The following PDE1C variants were observed in gnomAD, a reference collection of about 807,000 sequenced individuals.
The protein encoded by PDE1C is dual specificity calcium/calmodulin-dependent 3',5'-cyclic nucleotide phosphodiesterase 1C.
Under a neutral mutation model 93.1 loss-of-function variants are expected in PDE1C, and 62 were observed. The observed-to-expected ratio is 0.67, with a 90% CI of 0.54 to 0.82. The LOEUF is 0.82. Among genes scored for constraint, PDE1C ranks in the 40% least tolerant of loss-of-function variants. The pLI, the probability that PDE1C is intolerant of heterozygous loss-of-function variation, is 0.00. For missense variants in PDE1C, 742 were observed against 884.6 expected, an observed-to-expected ratio of 0.84 and a Z score of 2.04; for synonymous variants, 325 against 310.1, an observed-to-expected ratio of 1.05 and a Z score of -0.50.
intron 1 of PDE1C, among the ~76,000 whole-genome samples, chr7:32,335,508 A>G (rs1030360905): frequency 1.3e-5 from 2 of 152,172 alleles, no homozygotes; most frequent in Non-Finnish European, 1.5e-5. Flanking sequence ...GAAGTTCAAG[A>G]TGATCAAAGT....
intron 1 of PDE1C, among the ~76,000 whole-genome samples, chr7:32,335,042 AT>A (rs1314833080): frequency 5.3e-5 from 8 of 152,186 alleles, no homozygotes; most frequent in African/African-American, 1.9e-4. Flanking sequence ...GGCCACTTTC[AT>A]TTTGCCCATG....
At chr7:31,755,878 G>T (rs939747353) in intron 17 of PDE1C, among the ~76,000 whole-genome samples, 1 of 152,132 alleles carries the variant, frequency 6.6e-6, no homozygotes, top group East Asian at 1.9e-4. Flanking sequence ...ACTAAAATAT[G>T]AGACAGGCTT....
At chr7:31,999,709 C>T (rs1466864932) in intron 2 of PDE1C, among the ~76,000 whole-genome samples, 1 of 152,128 alleles carries the variant, frequency 6.6e-6, no homozygotes, top group African/African-American at 2.4e-5. Flanking sequence ...ATTAACACAC[C>T]ACATGTTTTT....
chr7:32,253,567 C>A (rs1809550220), intron 1 of PDE1C, among the ~76,000 whole-genome samples: 2 of 152,216 alleles, frequency 1.3e-5, no homozygotes, highest in South Asian at 4.1e-4. Flanking sequence ...CCAAAGGGTC[C>A]TGATTACTTT....
At chr7:31,948,979 A>G (rs916911986) in intron 2 of PDE1C, among the ~76,000 whole-genome samples, 2 of 152,142 alleles carry the variant, frequency 1.3e-5, no homozygotes, top group Non-Finnish European at 2.9e-5. Flanking sequence ...AGCATATTAG[A>G]AATGGCAAAC....
At chr7:32,103,228 G>A (rs1035089388) in intron 3 of PDE1C, among the ~76,000 whole-genome samples, 1 of 152,116 alleles carries the variant, frequency 6.6e-6, no homozygotes, top group Non-Finnish European at 1.5e-5. Context: ...GAAAAGGGAG[G>A]GGAGAAGGTA....
At chr7:31,771,202 T>G (rs1381253710) in intron 17 of PDE1C, among the ~76,000 whole-genome samples, 1 of 152,212 alleles carries the variant, frequency 6.6e-6, no homozygotes, top group Non-Finnish European at 1.5e-5. Flanking sequence ...ATTTCTGTGG[T>G]ACACTCTGCT....
chr7:32,399,693 A>T (rs1462207738), intron 1 of PDE1C, among the ~76,000 whole-genome samples: 1 of 148,528 alleles, frequency 6.7e-6, no homozygotes, highest in African/African-American at 2.5e-5. Context: ...AATGATTCTC[A>T]TGCCTCAGCC....
chr7:32,083,297 C>G (rs9691801), intron 3 of PDE1C, among the ~76,000 whole-genome samples: 112,130 of 148,270 alleles, frequency 0.76, 42,873 homozygotes, highest in African/African-American at 0.85. Context: ...GGGAAGTTTA[C>G]AGAAAAAAGA....
At chr7:32,428,133 T>C (rs1324520684), upstream of PDE1C, 1 of 152,344 alleles carries the variant, frequency 6.6e-6, no homozygotes, top group African/African-American at 2.4e-5. Context: ...CGAGCCCATC[T>C]CAGCGGGCCG....
chr7:32,302,256 T>G (rs925513149), upstream of PDE1C, among the ~76,000 whole-genome samples: 2 of 152,234 alleles, frequency 1.3e-5, no homozygotes, highest in African/African-American at 4.8e-5. Context: ...GGAAAGAAAT[T>G]TATCTTTTTT....
chr7:31,783,128 T>C lies in PDE1C; in HGVS notation c.1892-7396A>G, dbSNP rs1353926188. Among the ~76,000 whole-genome samples, 4 of 152,078 alleles carry C rather than the reference T, an allele frequency of 2.6e-5. No individual in the cohort carries two copies. In the East Asian group the frequency reaches 7.7e-4, roughly 29 times the overall value. Reference sequence around the variant, plus strand: ...TTGCCAAATATACCCCTTTCAAGAGTAGGAGAAAGAAAAAGTTTGCAATTC... The same window carrying C: ...TTGCCAAATATACCCCTTTCAAGAGCAGGAGAAAGAAAAAGTTTGCAATTC... On this transcript the variant is annotated intron_variant, in intron 16 of 17. Transcript: ENST00000396191.
At chr7:31,633,232 C>T in the PDE1C span, among the ~76,000 whole-genome samples, 2 of 152,108 alleles carry the variant, frequency 1.3e-5, no homozygotes, top group African/African-American at 2.4e-5. Flanking sequence ...AGAGTCCAAG[C>T]GAGCTGTCTT....
chr7:31,643,082 C>A, the PDE1C span: 2 of 1,613,854 alleles, frequency 1.2e-6, no homozygotes, highest in Non-Finnish European at 1.7e-6. Context: ...TTTATGGTAA[C>A]CCACGTCACA....
At chr7:32,315,793 C>T (rs917815289) in intron 1 of PDE1C, among the ~76,000 whole-genome samples, 9 of 152,138 alleles carry the variant, frequency 5.9e-5, no homozygotes, top group Admixed American at 1.3e-4. Flanking sequence ...GTTGGGTGTT[C>T]GAGACCAGCC....
chr7:32,183,861 G>C (rs1002034550), intron 2 of PDE1C, among the ~76,000 whole-genome samples: 2 of 152,046 alleles, frequency 1.3e-5, no homozygotes, highest in African/African-American at 2.4e-5. Flanking sequence ...AGAGTGAACA[G>C]GCAACCTACA....
chr7:32,378,282 C>A (rs1173599228), intron 1 of PDE1C, among the ~76,000 whole-genome samples: 1 of 152,152 alleles, frequency 6.6e-6, no homozygotes. Context: ...TCTCAAATGC[C>A]GATCTTGAAA....
At chr7:32,060,649 T>C (rs1455822028) in intron 1 of PDE1C, among the ~76,000 whole-genome samples, 2 of 152,214 alleles carry the variant, frequency 1.3e-5, no homozygotes, top group Non-Finnish European at 2.9e-5. Flanking sequence ...TCCTGAGCTA[T>C]AGTAGTTACC....
chr7:32,070,869 G>C, upstream of PDE1C: 1 of 986,274 alleles, frequency 1.0e-6, no homozygotes, highest in Non-Finnish European at 1.2e-6. Context: ...GCCGGCGCGG[G>C]CGGTGGGGCC....
Sources: gnomAD v4.1 joint callset for allele counts (sites outside exome capture counted in the v4.1 genomes callset) on GRCh38, gnomAD v4.1.1 for gene constraint, MANE v1.5 for transcripts, NCBI Gene and HGNC (gene_info 2026-07-23, HGNC 2026-07-21) for gene names.